The following MEIG1 variants were observed in gnomAD, a reference collection of about 807,000 sequenced individuals.
The protein encoded by MEIG1 is meiosis/spermiogenesis associated 1.
A neutral mutation model predicts 11.3 loss-of-function variants in MEIG1; 12 were observed. The ratio of observed to expected loss-of-function variants is 1.07; its 90% CI spans 0.68 to 1.73. MEIG1 has a LOEUF of 1.73. MEIG1 is among the 40% of genes most tolerant of loss of function. MEIG1 has a pLI of 0.00. For missense variants in MEIG1, 119 were observed against 104.9 expected (o/e 1.13, Z -0.59); for synonymous variants, 41 against 33.2 (o/e 1.24, Z -0.81).
downstream of MEIG1, among the ~76,000 whole-genome samples, chr10:14,974,610 AATT>A (rs1468021992): frequency 1.3e-5 from 2 of 152,156 alleles, no homozygotes; most frequent in East Asian, 3.8e-4. Flanking sequence ...TAATGGTATC[AATT>A]ATTAATTGAG....
chr10:14,960,893 G>A (rs1158639540), intron 1 of MEIG1, among the ~76,000 whole-genome samples: 3 of 152,092 alleles, frequency 2.0e-5, no homozygotes, highest in African/African-American at 4.8e-5. Context: ...ACCAGGCATG[G>A]TGGCGCATGC....
At chr10:14,970,787 G>T (rs1039708859) in intron 2 of MEIG1, among the ~76,000 whole-genome samples, 1 of 152,202 alleles carries the variant, frequency 6.6e-6, no homozygotes, top group African/African-American at 2.4e-5. Flanking sequence ...TATTCATGGG[G>T]AACAGAAAAG....
intron 1 of MEIG1, among the ~76,000 whole-genome samples, chr10:14,963,474 T>G (rs1158038797): frequency 2.0e-5 from 3 of 152,224 alleles, no homozygotes; most frequent in Non-Finnish European, 4.4e-5. Flanking sequence ...TCATATTATA[T>G]ATATGAATGG....
In MEIG1 at chr10:14,972,810, C is replaced by A; in HGVS notation, c.*169C>A. On this transcript the variant is annotated 3_prime_UTR_variant, in exon 3 of 3. Coordinates refer to ENST00000407572, the MANE Select transcript of MEIG1 (RefSeq NM_001080836.3). ...TATCTGCTAATCACCTTGTCCTGTT[C>A]TAAGAACTGGCTGCAGATGCATTAA... 2 of 591,864 alleles carry A rather than the reference C, an allele frequency of 3.4e-6. No homozygotes were observed. The highest frequency in any genetic ancestry group is 5.7e-6 in the Non-Finnish European group (2 of 351,646). The allele number at this position is 591,864 out of a possible 1,614,324, so 36.7% of individuals were successfully genotyped here.
At chr10:14,966,687 T>C (rs1843088550) in intron 2 of MEIG1, 81 bp downstream of exon 2, 1 of 1,307,872 alleles carries the variant, frequency 7.6e-7, no homozygotes, top group Non-Finnish European at 1.1e-6. Flanking sequence ...AACCAGAGAA[T>C]AACTGAAGGA....
rs1843331004 is a variant in MEIG1, at chr10:14,987,461, G to A, written n.286-327G>A. On this transcript the variant is annotated intron_variant and non_coding_transcript_variant, in intron 2 of 2. Transcript: ENST00000467536. ...TGGCTCTGTGTGTCTTGGACACCTT[G>A]AGAAGGAAAGAGGATTGGAAAATAA... The A allele has an allele frequency of 1.4e-5, 10 of 716,046 alleles. No homozygotes were observed. The South Asian group carries it at 1.5e-4, about 11-fold the overall frequency. 44.4% of individuals were successfully genotyped at this position (716,046 alleles called of 1,614,324 possible).
intron 2 of MEIG1, chr10:14,987,534 A>G: frequency 3.0e-6 from 2 of 674,356 alleles, no homozygotes; most frequent in African/African-American, 1.8e-5. Context: ...TTCACAAGGA[A>G]CATCTTTACA....
intron 1 of MEIG1, among the ~76,000 whole-genome samples, chr10:14,985,851 A>G (rs1024767844): frequency 6.6e-6 from 1 of 152,076 alleles, no homozygotes; most frequent in African/African-American, 2.4e-5. Context: ...ACCCTGTGAT[A>G]GTATTCATAA....
chr10:14,984,044 T>A (rs1843291174), intron 1 of MEIG1, among the ~76,000 whole-genome samples: 1 of 152,194 alleles, frequency 6.6e-6, no homozygotes, highest in East Asian at 1.9e-4. Context: ...GAGGATGCTA[T>A]TACGGCAAAG....
intron 1 of MEIG1, among the ~76,000 whole-genome samples, chr10:14,983,586 G>A (rs1843286410): frequency 6.6e-6 from 1 of 151,938 alleles, no homozygotes; most frequent in African/African-American, 2.4e-5. Flanking sequence ...AGGTGGAGAG[G>A]TTGATATTAC....
intron 1 of MEIG1, among the ~76,000 whole-genome samples, chr10:14,985,383 A>G (rs1388019341): frequency 6.6e-6 from 1 of 152,062 alleles, no homozygotes; most frequent in Non-Finnish European, 1.5e-5. Flanking sequence ...TAAGGTCACA[A>G]TGCATGTACA....
At chr10:14,965,718 TGC>T (rs1843074891) in intron 1 of MEIG1, among the ~76,000 whole-genome samples, 1 of 12,022 alleles carries the variant, frequency 8.3e-5, no homozygotes, top group East Asian at 2.4e-3. Context: ...GAGAGAGAGG[TGC>T]AGCTTTGAAT....
At chr10:14,974,057 A>G (rs529060432), downstream of MEIG1, among the ~76,000 whole-genome samples, 49 of 152,272 alleles carry the variant, frequency 3.2e-4, no homozygotes, top group South Asian at 9.8e-3. Context: ...TTTTCCCTGA[A>G]TAACCTCAGA....
chr10:14,979,782 G>A (rs1235391909), intron 1 of MEIG1, among the ~76,000 whole-genome samples: 2 of 151,632 alleles, frequency 1.3e-5, no homozygotes, highest in Non-Finnish European at 2.9e-5. Flanking sequence ...CAGTGGGTGT[G>A]CACACATGGT....
intron 2 of MEIG1, among the ~76,000 whole-genome samples, chr10:14,971,283 C>A (rs1161553113): frequency 6.6e-6 from 1 of 150,500 alleles, no homozygotes; most frequent in South Asian, 2.1e-4. Context: ...AGATTTTTGA[C>A]ACTTTGGGAA....
In MEIG1 at chr10:14,962,836, C is replaced by T. The variant is rs188830423; in HGVS notation, c.-30+3279C>T. ...CTGGAGTGCAGTGGCACCATCTCGG[C>T]TCACTGCAACCTCCATCTCCCAGGT... On this transcript the variant is annotated intron_variant, in intron 1 of 2. Transcript: ENST00000407572. Among the ~76,000 whole-genome samples, 809 of 152,006 alleles carry T rather than the reference C, an allele frequency of 5.3e-3. 12 individuals carry two copies. Among genetic ancestry groups the T allele is most frequent in the Non-Finnish European group, 8.2e-3 (559 of 67,992 alleles).
chr10:14,966,221 G>C (rs1329164316), intron 1 of MEIG1, among the ~76,000 whole-genome samples: 1 of 151,706 alleles, frequency 6.6e-6, no homozygotes, highest in East Asian at 1.9e-4. Flanking sequence ...GCACCACCAT[G>C]CCTAGCTAAT....
chr10:14,981,482 C>A (rs1200476994), intron 1 of MEIG1, among the ~76,000 whole-genome samples: 3 of 152,108 alleles, frequency 2.0e-5, no homozygotes, highest in Admixed American at 2.0e-4. Context: ...GCTTGCTTTG[C>A]GGAAACCCCC....
rs1009477872 is a variant in MEIG1, at chr10:14,966,528, G to T, written c.60G>T (p.Glu20Asp). 2.5e-6 allele frequency: 4 copies of T among 1,612,752 alleles called. No homozygotes were observed. The East Asian group carries it at 8.9e-5, about 36-fold the overall frequency. Residue 20 changes from glutamate (E) to aspartate (D), a missense_variant, in exon 2 of 3, where the codon GAG becomes GAT. Transcript: ENST00000407572. ...SVSHAKKWSE[E>D]IENLYRFQQA... is the part of the protein sequence containing the mutation. ...GTCATGCCAAAAAATGGTCAGAAGA[G>T]ATAGAAAATCTGTACAGATTTCAAC... is the stretch of plus-strand genomic sequence containing the variant.
Sources: gnomAD v4.1 joint callset for allele counts (sites outside exome capture counted in the v4.1 genomes callset) on GRCh38, gnomAD v4.1.1 for gene constraint, MANE v1.5 for transcripts, NCBI Gene and HGNC (gene_info 2026-07-23, HGNC 2026-07-21) for gene names.